The following COLGALT2 variants were observed in gnomAD, a reference collection of about 807,000 sequenced individuals.
The protein encoded by COLGALT2 is procollagen galactosyltransferase 2.
COLGALT2 carries 49 observed loss-of-function variants against 73.4 expected under a neutral mutation model. The ratio of observed to expected loss-of-function variants is 0.67; its 90% confidence interval spans 0.53 to 0.85. COLGALT2 has a LOEUF of 0.85. COLGALT2 is among the 40% of genes least tolerant of loss of function. The pLI, the probability that COLGALT2 is intolerant of heterozygous loss-of-function variation, is 0.00. For missense variants in COLGALT2, 722 were observed against 790.2 expected, an observed-to-expected ratio of 0.91 and a Z score of 1.03; for synonymous variants, 295 against 307.6, an observed-to-expected ratio of 0.96 and a Z score of 0.43.
chr1:184,016,725 CTATT>C (rs571034643), intron 1 of COLGALT2, among the ~76,000 whole-genome samples: 15 of 152,128 alleles, frequency 9.9e-5, no homozygotes, highest in East Asian at 3.9e-4. Context: ...TATAAAGTAA[CTATT>C]TGTTCAAAAT....
intron 1 of COLGALT2, among the ~76,000 whole-genome samples, chr1:184,021,102 C>A (rs1372517451): frequency 6.6e-6 from 1 of 152,058 alleles, no homozygotes; most frequent in Non-Finnish European, 1.5e-5. Flanking sequence ...GGAGTGAATA[C>A]CAGGAGGCAA....
chr1:183,987,808 C>T (rs1671528096), intron 1 of COLGALT2, among the ~76,000 whole-genome samples: 1 of 152,186 alleles, frequency 6.6e-6, no homozygotes, highest in Non-Finnish European at 1.5e-5. Flanking sequence ...TGGGCCCCAA[C>T]TGATTGCTGC....
At chr1:183,933,721 C>A (rs1476796633), downstream of COLGALT2, among the ~76,000 whole-genome samples, 6 of 152,180 alleles carry the variant, frequency 3.9e-5, no homozygotes, top group African/African-American at 1.4e-4. Context: ...GAATAGGAAA[C>A]CCCCATCAAA....
At chr1:183,994,356 A>G (rs1336455090) in intron 1 of COLGALT2, among the ~76,000 whole-genome samples, 2 of 151,750 alleles carry the variant, frequency 1.3e-5, no homozygotes, top group African/African-American at 2.4e-5. Flanking sequence ...AATTCTTACA[A>G]CATCCTAGGA....
chr1:183,974,382 C>CT (rs1558321266), intron 3 of COLGALT2, among the ~76,000 whole-genome samples: 1 of 152,068 alleles, frequency 6.6e-6, no homozygotes, highest in Non-Finnish European at 1.5e-5. Context: ...CAGATTTTAC[C>CT]TTTTGTAGGT....
intron 1 of COLGALT2, among the ~76,000 whole-genome samples, chr1:184,003,062 T>C (rs2102840423): frequency 6.6e-6 from 1 of 152,306 alleles, no homozygotes; most frequent in Admixed American, 6.5e-5. Context: ...GATGTATACA[T>C]TATTATGTAG....
intron 1 of COLGALT2, among the ~76,000 whole-genome samples, chr1:184,007,900 A>G (rs1021333553): frequency 2.0e-5 from 3 of 152,214 alleles, no homozygotes; most frequent in Non-Finnish European, 4.4e-5. Context: ...AAACAGATCC[A>G]TTTTATTAAA....
At chr1:183,961,920 C>T (rs1670712093) in intron 6 of COLGALT2, among the ~76,000 whole-genome samples, 1 of 152,112 alleles carries the variant, frequency 6.6e-6, no homozygotes, top group South Asian at 2.1e-4. Flanking sequence ...AATACTGTCA[C>T]AGTGAACCAG....
At chr1:183,983,918 G>A (rs548995430) in intron 1 of COLGALT2, among the ~76,000 whole-genome samples, 6 of 152,354 alleles carry the variant, frequency 3.9e-5, no homozygotes, top group Non-Finnish European at 7.3e-5. Flanking sequence ...GAGGTGATCT[G>A]CAAGTAATTG....
chr1:184,014,258 T>C (rs976113439), intron 1 of COLGALT2, among the ~76,000 whole-genome samples: 2 of 151,732 alleles, frequency 1.3e-5, no homozygotes, highest in Admixed American at 1.3e-4. Context: ...GAGAAATGAG[T>C]AAGCCAAAGG....
chr1:183,996,979 T>C (rs1213405187), intron 1 of COLGALT2, among the ~76,000 whole-genome samples: 1 of 152,228 alleles, frequency 6.6e-6, no homozygotes, highest in Admixed American at 6.5e-5. Flanking sequence ...TCAATACACA[T>C]GAGGTGAATG....
Position 183,978,454 on chromosome 1 carries a change from CTG to C in COLGALT2, c.328_329del (p.Gln110GlufsTer13). ...TCCACTCCACATAGTGATAGAGTCT[CTG>C]TACATTTTTCAACCACTCCCTGAAT... ...EIFREWLKNVQRLYHYVEWRP... is the reference protein window; with the variant it reads ...EIFREWLKNVXRLYHYVEWRP... On this transcript the variant is annotated frameshift_variant, in exon 2 of 12. Coordinates refer to ENST00000361927, the MANE Select transcript of COLGALT2 (RefSeq NM_015101.4). LOFTEE classifies it high-confidence loss of function. 6.2e-7 allele frequency: 1 copy of C among 1,612,804 alleles called. No individual in the cohort carries two copies. Among genetic ancestry groups the C allele is most frequent in the Non-Finnish European group, 8.5e-7 (1 of 1,178,994 alleles).
At chr1:183,949,923 G>A (rs1670351526) in intron 8 of COLGALT2, among the ~76,000 whole-genome samples, 1 of 152,208 alleles carries the variant, frequency 6.6e-6, no homozygotes, top group South Asian at 2.1e-4. Context: ...TGGGACTGGT[G>A]TTCTTGGAGG....
chr1:184,034,657 A>G (rs973570079), intron 1 of COLGALT2, among the ~76,000 whole-genome samples: 2 of 152,344 alleles, frequency 1.3e-5, no homozygotes, highest in East Asian at 1.9e-4. Context: ...TCACCTGTAA[A>G]GTGGTATAAT....
At chr1:183,983,315 A>C (rs1213571049) in intron 1 of COLGALT2, among the ~76,000 whole-genome samples, 1 of 152,178 alleles carries the variant, frequency 6.6e-6, no homozygotes, top group South Asian at 2.1e-4. Flanking sequence ...CCACCGAGGA[A>C]GCCTGGTGGT....
rs187533487 is a variant in COLGALT2, at chr1:184,016,488, A to G, written c.263+20607T>C. Among the ~76,000 whole-genome samples the G allele has an allele frequency of 1.5e-3, 227 of 152,354 alleles. 1 individual carries two copies. Among genetic ancestry groups the G allele is most frequent in the African/African-American group, 5.1e-3 (214 of 41,578 alleles). The stretch of plus-strand genomic sequence containing the variant: ...AAGAACAGCTGGTGTGTGAGGTAAT[A>G]AAAAGTAAAAACAAGTTTTCAAAAG... On this transcript the variant is annotated intron_variant, in intron 1 of 11. Coordinates refer to ENST00000361927, the MANE Select transcript of COLGALT2 (RefSeq NM_015101.4).
At chr1:183,964,819 G>A (rs553366142) in intron 5 of COLGALT2, among the ~76,000 whole-genome samples, 1 of 152,296 alleles carries the variant, frequency 6.6e-6, no homozygotes, top group East Asian at 1.9e-4. Context: ...GTCAGCAATT[G>A]ACACTCCTGA....
chr1:183,992,509 G>A (rs10797929), intron 1 of COLGALT2, among the ~76,000 whole-genome samples: 12,728 of 152,208 alleles, frequency 0.084, 904 homozygotes, highest in East Asian at 0.41. Context: ...CAGAAATATA[G>A]TCAATGAAGC....
At chr1:184,019,558 T>C (rs1020640516) in intron 1 of COLGALT2, among the ~76,000 whole-genome samples, 1 of 152,226 alleles carries the variant, frequency 6.6e-6, no homozygotes, top group African/African-American at 2.4e-5. Flanking sequence ...GCCTCATTCC[T>C]ATTTTAGGAG....
Sources: gnomAD v4.1 joint callset for allele counts (sites outside exome capture counted in the v4.1 genomes callset) on GRCh38, gnomAD v4.1.1 for gene constraint, MANE v1.5 for transcripts, NCBI Gene and HGNC (gene_info 2026-07-23, HGNC 2026-07-21) for gene names.